Variants in UBE2D3 observed in about 807,000 individuals in gnomAD.
UBE2D3 encodes ubiquitin conjugating enzyme E2 D3, also known as ubiquitin-conjugating enzyme E2 D3.
Under a neutral mutation model 22.8 loss-of-function variants are expected in UBE2D3, and 2 were observed. That is an observed-to-expected ratio of 0.09 (90% CI 0.04 to 0.28). The LOEUF (loss-of-function observed/expected upper bound fraction) is 0.28. UBE2D3 is among the 10% of genes least tolerant of loss of function. The pLI, the probability that UBE2D3 is intolerant of heterozygous loss-of-function variation, is 1.00. For missense variants in UBE2D3, 27 were observed against 182.5 expected (o/e 0.15, Z 4.91); for synonymous variants, 56 against 60.4 (o/e 0.93, Z 0.34).
intron 1 of UBE2D3, among the ~76,000 whole-genome samples, chr4:102,844,283 A>T (rs1008521718): frequency 6.6e-6 from 1 of 152,100 alleles, no homozygotes; most frequent in Non-Finnish European, 1.5e-5. Flanking sequence ...TTGCCATGTT[A>T]TATAGGCTGG....
In UBE2D3 at chr4:102,794,778, T is replaced by TA. The variant is rs1181334065; in HGVS notation, c.*2636dup. ...CACAAGAAAGCAAATTAATCAGTTTTAAAAAATCTGATTATCACATTGCAA... is the reference window on the plus strand; with the variant it reads ...CACAAGAAAGCAAATTAATCAGTTTTAAAAAAATCTGATTATCACATTGCAA... On this transcript the variant is annotated 3_prime_UTR_variant, in exon 8 of 8. Coordinates refer to ENST00000453744, the MANE Select transcript of UBE2D3 (RefSeq NM_181891.3). 1 of 152,108 alleles carries TA rather than the reference T, an allele frequency of 6.6e-6. No homozygotes were observed. The highest frequency in any genetic ancestry group is 1.5e-5 in the Non-Finnish European group (1 of 67,982). The allele number at this position is 152,108 out of a possible 1,614,324, so 9.4% of individuals were successfully genotyped here.
At chr4:102,797,961 G>A (rs1040451732) in intron 7 of UBE2D3, among the ~76,000 whole-genome samples, 9 of 151,896 alleles carry the variant, frequency 5.9e-5, no homozygotes, top group African/African-American at 2.2e-4. Flanking sequence ...GGTAGAGGCA[G>A]AAGGGGAAGA....
At chr4:102,822,706 C>A (rs573746125) in intron 2 of UBE2D3, among the ~76,000 whole-genome samples, 589 of 148,472 alleles carry the variant, frequency 4.0e-3, no homozygotes, top group Non-Finnish European at 6.1e-3. Context: ...GAGGCTGAGG[C>A]GGGTGGATCA....
intron 7 of UBE2D3, among the ~76,000 whole-genome samples, chr4:102,797,953 T>A (rs1005263948): frequency 4.0e-5 from 6 of 151,746 alleles, no homozygotes; most frequent in African/African-American, 1.5e-4. Flanking sequence ...GGGACTTAGG[T>A]AGAGGCAGAA....
chr4:102,821,343 G>A (rs1377712912), intron 2 of UBE2D3, among the ~76,000 whole-genome samples: 2 of 151,880 alleles, frequency 1.3e-5, no homozygotes. Flanking sequence ...TTCTTGAAAG[G>A]TAAATTACAA....
At chr4:102,801,997 C>T (rs1485152423) in intron 5 of UBE2D3, 1 of 157,668 alleles carries the variant, frequency 6.3e-6, no homozygotes, top group Non-Finnish European at 1.4e-5. Flanking sequence ...TGGAAACCAT[C>T]ACATTGCACC....
In UBE2D3 at chr4:102,826,652, A is replaced by G; in HGVS notation, c.-128-16T>C. The G allele has an allele frequency of 6.4e-7, 1 of 1,556,938 alleles. No individual in the cohort carries two copies. Among genetic ancestry groups the G allele is most frequent in the Non-Finnish European group, 8.6e-7 (1 of 1,161,706 alleles). The stretch of plus-strand genomic sequence containing the variant: ...ACACAGGCGCCTTTTGCAAAAACGG[A>G]GCAGATCAGCACTCGCACAGGCCCC... On this transcript the variant is annotated splice_polypyrimidine_tract_variant and intron_variant, in intron 1 of 7. Transcript: ENST00000453744.
intron 2 of UBE2D3, chr4:102,825,714 A>G: frequency 3.4e-6 from 2 of 584,320 alleles, no homozygotes; most frequent in South Asian, 3.0e-5. Context: ...TGAGGCAAAA[A>G]TAGGTACATT....
intron 1 of UBE2D3, among the ~76,000 whole-genome samples, chr4:102,857,946 C>A (rs1041106352): frequency 6.6e-6 from 1 of 151,954 alleles, no homozygotes; most frequent in African/African-American, 2.4e-5. Context: ...CCTGCCTTGG[C>A]CTCCCAAAGT....
At chr4:102,797,568 TCTC>T in intron 7 of UBE2D3, 108 bp from the exon 8 acceptor site, 1 of 796,438 alleles carries the variant, frequency 1.3e-6, no homozygotes, top group Non-Finnish European at 1.9e-6. Context: ...CATGAAGTCA[TCTC>T]TAATGACTAT....
intron 1 of UBE2D3, among the ~76,000 whole-genome samples, chr4:102,837,606 T>C (rs1270832280): frequency 6.7e-6 from 1 of 149,986 alleles, no homozygotes; most frequent in Non-Finnish European, 1.5e-5. Context: ...GAGGATCGCT[T>C]GGGCCCAGGA....
chr4:102,865,910 CCA>C (rs1227613161), intron 1 of UBE2D3, among the ~76,000 whole-genome samples: 1 of 152,114 alleles, frequency 6.6e-6, no homozygotes, highest in Non-Finnish European at 1.5e-5. Flanking sequence ...AGTTTTCTGA[CCA>C]CAGTTTCTTT....
chr4:102,810,917 A>G (rs1165888275), intron 2 of UBE2D3: 6 of 152,158 alleles, frequency 3.9e-5, no homozygotes, highest in Non-Finnish European at 8.8e-5. Context: ...ACATTTTCAA[A>G]CTAACAGTTT....
At chr4:102,838,195 C>G (rs1178720957) in intron 1 of UBE2D3, among the ~76,000 whole-genome samples, 1 of 152,092 alleles carries the variant, frequency 6.6e-6, no homozygotes, top group Non-Finnish European at 1.5e-5. Context: ...TTCATATGCA[C>G]TAGGAAATGG....
chr4:102,811,690 C>A (rs1317981087), intron 2 of UBE2D3: 50 of 386,282 alleles, frequency 1.3e-4, no homozygotes, highest in South Asian at 8.7e-4. Context: ...AAAAAAAAAC[C>A]CCAGAAAAGC....
chr4:102,797,573 A>AGAG, intron 7 of UBE2D3, 113 bp from the exon 8 acceptor site: 1 of 735,094 alleles, frequency 1.4e-6, no homozygotes, highest in Non-Finnish European at 2.1e-6. Flanking sequence ...AGTCATCTCT[A>AGAG]ATGACTATGA....
intron 1 of UBE2D3, chr4:102,826,909 G>A (rs1026566483): frequency 9.7e-7 from 1 of 1,035,222 alleles, no homozygotes; most frequent in Non-Finnish European, 1.2e-6. Context: ...GTGCGGGGCA[G>A]GGTCCGGAGC....
At chr4:102,853,813 A>G (rs1732500667) in intron 1 of UBE2D3, among the ~76,000 whole-genome samples, 1 of 152,288 alleles carries the variant, frequency 6.6e-6, no homozygotes, top group Non-Finnish European at 1.5e-5. Flanking sequence ...AATAGCTCCT[A>G]TAGAGTGAAT....
rs145844477 is a variant in UBE2D3, at chr4:102,846,615, A to G, written c.-128-19979T>C. Among the ~76,000 whole-genome samples the G allele has an allele frequency of 3.7e-4, 56 of 152,212 alleles. No homozygotes were observed. In the East Asian group the frequency reaches 0.01, roughly 28 times the overall value. ...GCTATGTTGGGATATAACTGGAGGCACTAATAGGTAGTAGGGTAAATTCTT... is the reference window on the plus strand; with the variant it reads ...GCTATGTTGGGATATAACTGGAGGCGCTAATAGGTAGTAGGGTAAATTCTT... On this transcript the variant is annotated intron_variant, in intron 1 of 7. Transcript: ENST00000338145.
Sources: gnomAD v4.1 joint callset for allele counts (sites outside exome capture counted in the v4.1 genomes callset) on GRCh38, gnomAD v4.1.1 for gene constraint, MANE v1.5 for transcripts, NCBI Gene and HGNC (gene_info 2026-07-23, HGNC 2026-07-21) for gene names.